METTL21C: variants seen among roughly 807,000 people sequenced by gnomAD.
METTL21C encodes methyltransferase 21C, AARS1 lysine.
In METTL21C, 21 loss-of-function variants were observed where a neutral mutation model predicts 25.9. The observed-to-expected ratio is 0.81, with a 90% confidence interval of 0.58 to 1.17. METTL21C has a LOEUF of 1.17. Ranked by LOEUF, METTL21C falls within the 50% of genes most tolerant of loss-of-function variation. The probability of loss-of-function intolerance (pLI) is 0.00; values close to 1 mark genes in which losing one functional copy is unlikely to be tolerated. For synonymous variants in METTL21C, 125 were observed against 124.7 expected (o/e 1.00, Z -0.01); for missense variants, 312 against 315.1 (o/e 0.99, Z 0.07).
At chr13:102,687,740 T>C (rs1468020110) in intron 2 of METTL21C, among the ~76,000 whole-genome samples, 1 of 152,204 alleles carries the variant, frequency 6.6e-6, no homozygotes, top group African/African-American at 2.4e-5. Flanking sequence ...CCTGACATGA[T>C]GCTCATCTGC....
chr13:102,689,577 C>T (rs1329573971), intron 2 of METTL21C, among the ~76,000 whole-genome samples: 1 of 152,314 alleles, frequency 6.6e-6, no homozygotes, highest in South Asian at 2.1e-4. Context: ...ATGTGTAAGA[C>T]CTCCTGAATC....
chr13:102,694,676 C>T lies in METTL21C; in HGVS notation c.-178G>A, dbSNP rs1360741089. Reference sequence around the variant, plus strand: ...TGCCCAAAATAATTTTGAATTGTTACACGTATCTTTACCTTATGCAGCAGA... The same window carrying T: ...TGCCCAAAATAATTTTGAATTGTTATACGTATCTTTACCTTATGCAGCAGA... On this transcript the variant is annotated 5_prime_UTR_variant, in exon 1 of 4. Transcript: ENST00000267273. Among the ~76,000 whole-genome samples, 1 of 151,404 alleles carries T rather than the reference C, an allele frequency of 6.6e-6. No individual in the cohort carries two copies. Among genetic ancestry groups the T allele is most frequent in the African/African-American group, 2.4e-5 (1 of 41,170 alleles).
intron 1 of METTL21C, among the ~76,000 whole-genome samples, chr13:102,694,099 T>C (rs1005935366): frequency 6.6e-6 from 1 of 151,962 alleles, no homozygotes; most frequent in African/African-American, 2.4e-5. Context: ...GTTACAAAAA[T>C]ACAGCAAGCT....
At chr13:102,700,555 C>A in the METTL21C span, among the ~76,000 whole-genome samples, 1 of 152,174 alleles carries the variant, frequency 6.6e-6, no homozygotes, top group Non-Finnish European at 1.5e-5. Flanking sequence ...ATTAATTACA[C>A]GGAGGAACGC....
At chr13:102,701,237 G>T in the METTL21C span, among the ~76,000 whole-genome samples, 2 of 152,032 alleles carry the variant, frequency 1.3e-5, no homozygotes, top group Non-Finnish European at 2.9e-5. Flanking sequence ...CAGAGAGCCT[G>T]TTCCTTGGAA....
intron 1 of METTL21C, among the ~76,000 whole-genome samples, chr13:102,693,556 C>G (rs1442031836): frequency 6.6e-6 from 1 of 152,212 alleles, no homozygotes; most frequent in Non-Finnish European, 1.5e-5. Context: ...AATGGCTCAT[C>G]ATTTCACAGG....
chr13:102,703,601 C>A, the METTL21C span, among the ~76,000 whole-genome samples: 3 of 152,206 alleles, frequency 2.0e-5, no homozygotes, highest in South Asian at 2.1e-4. Flanking sequence ...CAGCGACGCT[C>A]GTTACAGCAC....
chr13:102,702,871 G>A, the METTL21C span, among the ~76,000 whole-genome samples: 9 of 152,256 alleles, frequency 5.9e-5, no homozygotes, highest in Admixed American at 2.6e-4. Context: ...GATTACAGCC[G>A]TGAGCCACTG....
intron 2 of METTL21C, among the ~76,000 whole-genome samples, chr13:102,690,102 G>A (rs552460906): frequency 8.5e-5 from 13 of 152,144 alleles, no homozygotes; most frequent in East Asian, 3.9e-4. Flanking sequence ...CATCCCTACC[G>A]ACACAGCCCC....
At chr13:102,696,333 G>A (rs943781752), upstream of METTL21C, among the ~76,000 whole-genome samples, 19 of 151,956 alleles carry the variant, frequency 1.3e-4, no homozygotes, top group Admixed American at 5.2e-4. Context: ...ATGGACACAG[G>A]GAGGGGAACA....
chr13:102,703,554 G>T, the METTL21C span, among the ~76,000 whole-genome samples: 1 of 152,168 alleles, frequency 6.6e-6, no homozygotes, highest in Non-Finnish European at 1.5e-5. Context: ...AAATCGCAAA[G>T]ATAGTTCTTG....
chr13:102,690,896 T>C lies in METTL21C; in HGVS notation c.199A>G (p.Thr67Ala). Residue 67 changes from threonine (T) to alanine (A), a missense_variant, in exon 2 of 4, where the codon ACT becomes GCT. Thr to Ala is a moderately conservative substitution (Grantham distance 58, BLOSUM62 0). Transcript: ENST00000267273. ...CCTGCAAACCGATAATGCTCCTGAG[T>C]GTAGCTGGCGTAATCTGTAGGAACA... ...KFVPTDYASYTQEHYRFAGKE... is the reference protein window; with the variant it reads ...KFVPTDYASYAQEHYRFAGKE... The C allele has an allele frequency of 6.2e-7, 1 of 1,614,110 alleles. No homozygotes were observed. The highest frequency in any genetic ancestry group is 1.3e-5 in the African/African-American group (1 of 75,036).
intron 1 of METTL21C, among the ~76,000 whole-genome samples, chr13:102,692,223 G>A (rs1885849311): frequency 6.6e-6 from 1 of 152,204 alleles, no homozygotes; most frequent in South Asian, 2.1e-4. Context: ...GAAGGCAGGA[G>A]GAGGTGAATA....
intron 1 of METTL21C, among the ~76,000 whole-genome samples, chr13:102,692,969 C>A (rs186395808): frequency 1.3e-3 from 195 of 152,056 alleles, no homozygotes; most frequent in African/African-American, 4.6e-3. Flanking sequence ...AGGAGGAAGG[C>A]CGAAAAATAG....
the METTL21C span, among the ~76,000 whole-genome samples, chr13:102,702,484 T>A: frequency 2.6e-5 from 4 of 152,156 alleles, no homozygotes; most frequent in Admixed American, 1.3e-4. Flanking sequence ...TGTTTGTAGA[T>A]GACATGATTT....
At chr13:102,686,556 G>A in intron 3 of METTL21C, 131 bp from the exon 4 acceptor site, 3 of 1,076,642 alleles carry the variant, frequency 2.8e-6, no homozygotes, top group Non-Finnish European at 3.9e-6. Flanking sequence ...GGACATGTTT[G>A]ACCTAATGTG....
Position 102,686,400 on chromosome 13 carries a change from CA to C in METTL21C, c.425del (p.Leu142CysfsTer13). ...ILGAQVTATD[L>X]PDVLGNLQYN... is the part of the protein sequence containing the mutation. ...ATTGAAGGTTTCCCAGGACATCAGGCAAATCTGTTGCTGTGACTTGAGCTCC... is the reference window on the plus strand; with the variant it reads ...ATTGAAGGTTTCCCAGGACATCAGGCAATCTGTTGCTGTGACTTGAGCTCC... On this transcript the variant is annotated frameshift_variant, in exon 4 of 4. Coordinates refer to ENST00000267273, the MANE Select transcript of METTL21C (RefSeq NM_001010977.3). LOFTEE classifies it low-confidence loss of function (END_TRUNC). The C allele has an allele frequency of 6.2e-7, 1 of 1,612,792 alleles. No homozygotes were observed.
rs1229652131 is a variant in METTL21C, at chr13:102,686,141, T to G, written c.685A>C (p.Thr229Pro). The change falls in exon 4 of 4, where the codon ACC becomes CCC. Residue 229 changes from threonine (T) to proline (P), a missense_variant. By Grantham distance (38) the Thr-to-Pro change is conservative. Coordinates refer to ENST00000267273, the MANE Select transcript of METTL21C (RefSeq NM_001010977.3). ...AATTTATCTAAAAATTCATAGTCGG[T>G]GCTGAACCTGAATTTGTTTGCCCAA... The part of the protein sequence containing the change: ...LLWANKFRFS[T>P]DYEFLDKFKQ... 1 of 1,614,200 alleles carries G rather than the reference T, an allele frequency of 6.2e-7. No individual in the cohort carries two copies. The highest frequency in any genetic ancestry group is 8.5e-7 in the Non-Finnish European group (1 of 1,180,032).
upstream of METTL21C, among the ~76,000 whole-genome samples, chr13:102,695,079 T>A (rs1346244287): frequency 6.6e-6 from 1 of 152,100 alleles, no homozygotes; most frequent in Non-Finnish European, 1.5e-5. Flanking sequence ...AAGTGGGTGT[T>A]GGACAGTTGC....
Sources: allele counts gnomAD v4.1 joint callset (sites outside exome capture counted in the v4.1 genomes callset), GRCh38; gene constraint gnomAD v4.1.1; transcripts MANE v1.5; gene names NCBI Gene and HGNC (gene_info 2026-07-23, HGNC 2026-07-21).